The following CXCL13 variants were observed in gnomAD, a reference collection of about 807,000 sequenced individuals.
CXCL13 encodes the protein C-X-C motif chemokine ligand 13, also known as C-X-C motif chemokine 13.
In CXCL13, 7 loss-of-function variants were observed where a neutral mutation model predicts 12.2. The observed-to-expected ratio is 0.57, with a 90% confidence interval of 0.33 to 1.07. The LOEUF (loss-of-function observed/expected upper bound fraction) is 1.07, where lower values mean the gene tolerates loss of function less well. CXCL13 is among the 50% of genes least tolerant of loss of function. The probability of loss-of-function intolerance (pLI) is 0.04; values close to 1 mark genes in which losing one functional copy is unlikely to be tolerated. For synonymous variants in CXCL13, 47 were observed against 42.4 expected (o/e 1.11, Z -0.42); for missense variants, 113 against 127.4 (o/e 0.89, Z 0.55).
chr4:77,533,445 C>T (rs1306881610), intron 1 of CXCL13, among the ~76,000 whole-genome samples: 1 of 152,228 alleles, frequency 6.6e-6, no homozygotes, highest in Non-Finnish European at 1.5e-5. Flanking sequence ...TCTGCCCCTA[C>T]TGGGAGGTGC....
At chr4:77,520,121 T>C (rs1724551201) in intron 1 of CXCL13, among the ~76,000 whole-genome samples, 1 of 152,194 alleles carries the variant, frequency 6.6e-6, no homozygotes, top group African/African-American at 2.4e-5. Flanking sequence ...ACTGTAGCCT[T>C]GTAGTATAGT....
intron 2 of CXCL13, among the ~76,000 whole-genome samples, chr4:77,609,124 T>G (rs1447619491): frequency 6.6e-6 from 1 of 152,214 alleles, no homozygotes; most frequent in African/African-American, 2.4e-5. Context: ...CTTTCCATCA[T>G]GAACTCAGAA....
intron 1 of CXCL13, among the ~76,000 whole-genome samples, chr4:77,521,030 C>T (rs193258185): frequency 1.8e-4 from 28 of 152,188 alleles, no homozygotes; most frequent in African/African-American, 6.0e-4. Flanking sequence ...TATTGATTTG[C>T]GTATGTTGAA....
In CXCL13 at chr4:77,559,477, G is replaced by A. The variant is rs760383362; in HGVS notation, c.-42-46347G>A. Among the ~76,000 whole-genome samples the A allele has an allele frequency of 2.0e-5, 3 of 152,168 alleles. No individual in the cohort carries two copies. In the East Asian group the frequency reaches 5.8e-4, roughly 29 times the overall value. On this transcript the variant is annotated intron_variant, in intron 1 of 4. Coordinates refer to the CXCL13 transcript ENST00000286758. ...GAAGGGTGGCTGTCTTCACCTGGAGGCACTCCCAGTAGCTGGGGCAATAGC... is the reference window on the plus strand; with the variant it reads ...GAAGGGTGGCTGTCTTCACCTGGAGACACTCCCAGTAGCTGGGGCAATAGC...
At chr4:77,542,233 T>A (rs1007337913) in intron 1 of CXCL13, among the ~76,000 whole-genome samples, 4 of 152,176 alleles carry the variant, frequency 2.6e-5, no homozygotes, top group Non-Finnish European at 5.9e-5. Context: ...TGGCTTAGAC[T>A]TTTGGAACTA....
At chr4:77,569,000 T>C (rs1342189294) in intron 1 of CXCL13, among the ~76,000 whole-genome samples, 1 of 152,220 alleles carries the variant, frequency 6.6e-6, no homozygotes, top group Non-Finnish European at 1.5e-5. Context: ...CAGAGATCCT[T>C]GTTAGACATG....
chr4:77,547,584 T>C (rs1725398957), intron 1 of CXCL13, among the ~76,000 whole-genome samples: 1 of 152,214 alleles, frequency 6.6e-6, no homozygotes, highest in Admixed American at 6.5e-5. Context: ...TCCATTTTCT[T>C]GGTAGATCTT....
At chr4:77,536,881 CA>C (rs1163054472) in intron 1 of CXCL13, among the ~76,000 whole-genome samples, 2 of 152,084 alleles carry the variant, frequency 1.3e-5, no homozygotes, top group African/African-American at 2.4e-5. Flanking sequence ...AAAGCTATCT[CA>C]TTTTTTTATG....
At chr4:77,589,424 T>TA (rs1174924245) in intron 1 of CXCL13, among the ~76,000 whole-genome samples, 3 of 152,170 alleles carry the variant, frequency 2.0e-5, no homozygotes, top group Admixed American at 2.0e-4. Context: ...TTACTTTACT[T>TA]AAAAATGGCC....
At chr4:77,533,222 T>C (rs1006082396) in intron 1 of CXCL13, among the ~76,000 whole-genome samples, 2 of 152,216 alleles carry the variant, frequency 1.3e-5, no homozygotes, top group Admixed American at 1.3e-4. Flanking sequence ...GGTGTGGATG[T>C]CCTTTGTGTT....
At chr4:77,537,057 T>C (rs1725075756) in intron 1 of CXCL13, among the ~76,000 whole-genome samples, 1 of 152,148 alleles carries the variant, frequency 6.6e-6, no homozygotes, top group African/African-American at 2.4e-5. Context: ...TAAATACTAT[T>C]AGTAGCAATG....
chr4:77,580,719 C>T (rs1247604654), intron 1 of CXCL13, among the ~76,000 whole-genome samples: 1 of 113,232 alleles, frequency 8.8e-6, no homozygotes, highest in African/African-American at 3.4e-5. Flanking sequence ...TCCTCCCCTC[C>T]CCTCCCCTCC....
intron 1 of CXCL13, among the ~76,000 whole-genome samples, chr4:77,541,381 T>TG (rs1339800467): frequency 6.6e-6 from 1 of 152,184 alleles, no homozygotes; most frequent in Non-Finnish European, 1.5e-5. Flanking sequence ...ATTCTTAATT[T>TG]GGGGTCTTAC....
chr4:77,534,268 C>CAGGT (rs141157628), intron 1 of CXCL13, among the ~76,000 whole-genome samples: 3,334 of 152,298 alleles, frequency 0.022, 110 homozygotes, highest in African/African-American at 0.077. Flanking sequence ...CACATGAACA[C>CAGGT]TATGTTCACA....
intron 1 of CXCL13, among the ~76,000 whole-genome samples, chr4:77,550,729 T>A (rs898913859): frequency 3.3e-5 from 5 of 152,284 alleles, no homozygotes; most frequent in Non-Finnish European, 7.4e-5. Flanking sequence ...AATTCCCCAA[T>A]ATTATTGTGT....
chr4:77,523,195 G>A (rs1229788208), intron 1 of CXCL13, among the ~76,000 whole-genome samples: 1 of 152,104 alleles, frequency 6.6e-6, no homozygotes, highest in Non-Finnish European at 1.5e-5. Flanking sequence ...TCTTGGGGTT[G>A]CTTTTCTCAA....
chr4:77,528,343 G>T (rs1724819948), intron 1 of CXCL13, among the ~76,000 whole-genome samples: 2 of 152,118 alleles, frequency 1.3e-5, no homozygotes, highest in South Asian at 4.1e-4. Flanking sequence ...GATCCCTGAG[G>T]AATCACCACA....
At chr4:77,530,612 G>C (rs1724887448) in intron 1 of CXCL13, among the ~76,000 whole-genome samples, 1 of 152,116 alleles carries the variant, frequency 6.6e-6, no homozygotes, top group Admixed American at 6.6e-5. Flanking sequence ...TGTGGGATTG[G>C]TGGTGATATC....
At position 77,551,175 on chromosome 4, in the gene CXCL13, C is replaced by G. The variant is rs118019262; in HGVS notation, c.-43+39387C>G. 4.4e-3 allele frequency among the ~76,000 whole-genome samples: 674 copies of G among 152,234 alleles called. 19 individuals are homozygous for G. Among genetic ancestry groups the G allele is most frequent in the East Asian group, 0.027 (139 of 5,170 alleles). On this transcript the variant is annotated intron_variant, in intron 1 of 4. Coordinates refer to the CXCL13 transcript ENST00000286758. ...TTTTCATCCTATCATGAAGTTAGCT[C>G]GTTGCTTTGTAGTTTCCATTGTGTG... is the stretch of plus-strand genomic sequence containing the variant.
Sources: allele counts gnomAD v4.1 joint callset (sites outside exome capture counted in the v4.1 genomes callset), GRCh38; gene constraint gnomAD v4.1.1; transcripts MANE v1.5; gene names NCBI Gene and HGNC (gene_info 2026-07-23, HGNC 2026-07-21).